MTMR2: variants seen among roughly 807,000 people sequenced by gnomAD.
The protein encoded by MTMR2 is phosphatidylinositol-3,5-bisphosphate 3-phosphatase MTMR2.
MTMR2 carries 55 observed loss-of-function variants against 86.9 expected under a neutral mutation model. That is an observed-to-expected ratio of 0.63 (90% CI 0.51 to 0.79). The LOEUF is 0.79. Among genes scored for constraint, MTMR2 ranks in the 30% least tolerant of loss-of-function variants. The probability of loss-of-function intolerance (pLI) is 0.00; values close to 1 mark genes in which losing one functional copy is unlikely to be tolerated. For synonymous variants in MTMR2, 241 were observed against 266.8 expected (o/e 0.90, Z 0.94); for missense variants, 659 against 772.3 (o/e 0.85, Z 1.74).
intron 1 of MTMR2, among the ~76,000 whole-genome samples, chr11:95,892,489 AT>A (rs1865748018): frequency 6.6e-6 from 1 of 152,302 alleles, no homozygotes; most frequent in African/African-American, 2.4e-5. Flanking sequence ...CAAACTCCAA[AT>A]AATAAGAATC....
At chr11:95,921,736 T>A (rs1238556637) in intron 1 of MTMR2, among the ~76,000 whole-genome samples, 1 of 152,116 alleles carries the variant, frequency 6.6e-6, no homozygotes, top group Non-Finnish European at 1.5e-5. Flanking sequence ...CAGAGGAGAG[T>A]AATGAAAGCT....
At chr11:95,835,919 G>A (rs768272973) in intron 14 of MTMR2, among the ~76,000 whole-genome samples, 9 of 152,004 alleles carry the variant, frequency 5.9e-5, no homozygotes, top group Non-Finnish European at 1.3e-4. Context: ...GAGGGAAGAT[G>A]CAAGAAAAGA....
chr11:95,923,247 A>G (rs184658495), intron 1 of MTMR2, among the ~76,000 whole-genome samples: 2 of 152,350 alleles, frequency 1.3e-5, no homozygotes, highest in Admixed American at 1.3e-4. Context: ...TAAACCTATC[A>G]CTGGGGATAA....
chr11:95,862,661 G>A lies in MTMR2; in HGVS notation c.263-295C>T, dbSNP rs138367368. On this transcript the variant is annotated intron_variant, in intron 3 of 14. Coordinates refer to ENST00000346299, the MANE Select transcript of MTMR2 (RefSeq NM_016156.6). ...TCCTGGCTAGATAAAACAGGTGTGG[G>A]TAGCTGCAGCAGAGACGGGTGAAAG... Among the ~76,000 whole-genome samples the A allele has an allele frequency of 1.2e-4, 19 of 152,292 alleles. No individual in the cohort carries two copies. In the East Asian group the frequency reaches 3.3e-3, roughly 26 times the overall value.
At chr11:95,910,235 T>C (rs546008028) in intron 1 of MTMR2, among the ~76,000 whole-genome samples, 3 of 152,150 alleles carry the variant, frequency 2.0e-5, no homozygotes, top group African/African-American at 7.2e-5. Context: ...TTTTTCAATG[T>C]AACCGTTAGA....
At chr11:95,860,260 G>C (rs1300563731) in intron 5 of MTMR2, among the ~76,000 whole-genome samples, 1 of 152,134 alleles carries the variant, frequency 6.6e-6, no homozygotes, top group Non-Finnish European at 1.5e-5. Context: ...TCAACACTTT[G>C]GGAGGCCAAG....
Position 95,847,776 on chromosome 11 carries a change from T to C in MTMR2, c.1117A>G (p.Asn373Asp). Residue 373 changes from asparagine to aspartate, a missense_variant, in exon 10 of 15, where the codon AAC becomes GAC. Physicochemically the swap from Asn to Asp is conservative, Grantham distance 23. Transcript: ENST00000346299. ...GACAACCAGTGGGTTTCCTCAATGTTGGGGTACACAATCTCCTTAAGTTTT... is the reference window on the plus strand; with the variant it reads ...GACAACCAGTGGGTTTCCTCAATGTCGGGGTACACAATCTCCTTAAGTTTT... ...LRKLKEIVYP[N>D]IEETHWLSNL... 1.2e-6 allele frequency: 2 copies of C among 1,613,682 alleles called. No individual in the cohort carries two copies. Among genetic ancestry groups the C allele is most frequent in the Non-Finnish European group, 1.7e-6 (2 of 1,179,652 alleles).
In MTMR2 at chr11:95,835,347, GGAT is replaced by G. The variant is rs1389767622; in HGVS notation, c.1872_1874del (p.Ser626del). On this transcript the variant is annotated inframe_deletion, in exon 15 of 15. Coordinates refer to ENST00000346299, the MANE Select transcript of MTMR2 (RefSeq NM_016156.6). Reference sequence around the variant, plus strand: ...GTGCAGGAGAGCTGGCTCTCTCTGAGGATGAGGTTGATCGGTTAGAAATCTCTC... The same window carrying G: ...GTGCAGGAGAGCTGGCTCTCTCTGAGGAGGTTGATCGGTTAGAAATCTCTC... 1 of 1,613,120 alleles carries G rather than the reference GGAT, an allele frequency of 6.2e-7. No individual in the cohort carries two copies. The highest frequency in any genetic ancestry group is 1.7e-4 in the Middle Eastern group (1 of 6,056).
chr11:95,887,932 G>A (rs1476317688), intron 2 of MTMR2, among the ~76,000 whole-genome samples: 1 of 152,030 alleles, frequency 6.6e-6, no homozygotes, highest in African/African-American at 2.4e-5. Flanking sequence ...ATCATCTTTT[G>A]GCAAAGAACT....
At chr11:95,915,596 G>A (rs2135628589) in intron 1 of MTMR2, among the ~76,000 whole-genome samples, 1 of 152,176 alleles carries the variant, frequency 6.6e-6, no homozygotes, top group Admixed American at 6.5e-5. Context: ...AAAACAAACT[G>A]AATATTGGCA....
chr11:95,904,236 C>A (rs913797224), intron 1 of MTMR2, among the ~76,000 whole-genome samples: 6 of 152,202 alleles, frequency 3.9e-5, no homozygotes, highest in African/African-American at 1.4e-4. Context: ...GTTACTGCAT[C>A]ATAAAATTTT....
At chr11:95,910,454 T>TACA (rs1866455940) in intron 1 of MTMR2, among the ~76,000 whole-genome samples, 1 of 152,022 alleles carries the variant, frequency 6.6e-6, no homozygotes, top group Non-Finnish European at 1.5e-5. Context: ...AAAGAGTATA[T>TACA]ACACTTTAGA....
At chr11:95,891,038 T>C (rs1001956713) in intron 1 of MTMR2, among the ~76,000 whole-genome samples, 4 of 152,236 alleles carry the variant, frequency 2.6e-5, no homozygotes, top group Non-Finnish European at 5.9e-5. Context: ...TTTATACGCC[T>C]ATGCCCTTCT....
chr11:95,862,246 A>G (rs765861733), intron 4 of MTMR2, 26 bp downstream of exon 4: 10 of 1,575,806 alleles, frequency 6.3e-6, no homozygotes, highest in Non-Finnish European at 7.8e-6. Context: ...ACTCATGTAC[A>G]TACAAAAATC....
In MTMR2 at chr11:95,835,222, T is replaced by TTTCTACTCATAGAGC; in HGVS notation, c.*53_*67dup. 6.5e-7 allele frequency: 1 copy of TTTCTACTCATAGAGC among 1,531,060 alleles called. No homozygotes were observed. 94.8% of individuals were successfully genotyped at this position (1,531,060 alleles called of 1,614,324 possible). The stretch of plus-strand genomic sequence containing the variant: ...TAGATGGGTTCTAAATTCCGAAGAC[T>TTTCTACTCATAGAGC]TTCTACTCATAGAGCTGCCAGTGTA... On this transcript the variant is annotated 3_prime_UTR_variant, in exon 15 of 15. Transcript: ENST00000346299.
chr11:95,880,048 ATATTT>A (rs1328387361), intron 2 of MTMR2, among the ~76,000 whole-genome samples: 9 of 151,826 alleles, frequency 5.9e-5, no homozygotes, highest in Admixed American at 4.6e-4. Context: ...TTTTTCTCTT[ATATTT>A]TATAAGTATT....
At position 95,871,831 on chromosome 11, in the gene MTMR2, T is replaced by C. The variant is rs1864900422; in HGVS notation, c.187-6155A>G. Among the ~76,000 whole-genome samples, 6 of 152,318 alleles carry C rather than the reference T, an allele frequency of 3.9e-5. No homozygotes were observed. The South Asian group carries it at 1.2e-3, about 32-fold the overall frequency. ...GACCATGCCTATGTCCTGAATGGTA[T>C]TGCCTAGGTTTTCTTCTAGGGTTTT... On this transcript the variant is annotated intron_variant, in intron 2 of 14. Coordinates refer to ENST00000346299, the MANE Select transcript of MTMR2 (RefSeq NM_016156.6).
intron 2 of MTMR2, among the ~76,000 whole-genome samples, chr11:95,876,909 G>A (rs1038638216): frequency 2.0e-5 from 3 of 151,898 alleles, no homozygotes; most frequent in Admixed American, 6.6e-5. Context: ...CTATAAACTC[G>A]ATCTAGAAGT....
chr11:95,848,195 C>G (rs933621039), intron 9 of MTMR2, among the ~76,000 whole-genome samples: 8 of 152,270 alleles, frequency 5.3e-5, no homozygotes, highest in African/African-American at 1.9e-4. Context: ...TTTTCCCAGC[C>G]CATACGCCAA....
Sources: gnomAD v4.1 joint callset for allele counts (sites outside exome capture counted in the v4.1 genomes callset) on GRCh38, gnomAD v4.1.1 for gene constraint, MANE v1.5 for transcripts, NCBI Gene and HGNC (gene_info 2026-07-23, HGNC 2026-07-21) for gene names.